Variants in CRACR2A observed in about 807,000 individuals in gnomAD.
The protein encoded by CRACR2A is calcium release activated channel regulator 2A.
A neutral mutation model predicts 90.5 loss-of-function variants in CRACR2A; 79 were observed. That is an observed-to-expected ratio of 0.87 (90% CI 0.73 to 1.05). The LOEUF (loss-of-function observed/expected upper bound fraction) is 1.05, where lower values mean the gene tolerates loss of function less well. Ranked by LOEUF, CRACR2A falls within the 50% of genes least tolerant of loss-of-function variation. The pLI, the probability that CRACR2A is intolerant of heterozygous loss-of-function variation, is 0.00. For synonymous variants in CRACR2A, 338 were observed against 356.7 expected, an observed-to-expected ratio of 0.95 and a Z score of 0.59; for missense variants, 823 against 897.2, an observed-to-expected ratio of 0.92 and a Z score of 1.06.
At chr12:3,634,844 A>G (rs945594863) in intron 14 of CRACR2A, among the ~76,000 whole-genome samples, 2 of 152,202 alleles carry the variant, frequency 1.3e-5, no homozygotes, top group Non-Finnish European at 1.5e-5. Context: ...ATCTACAAAA[A>G]TTTAAACTAA....
intron 10 of CRACR2A, 23 bp downstream of exon 10, chr12:3,654,189 G>T (rs752978732): frequency 1.2e-6 from 2 of 1,606,960 alleles, no homozygotes; most frequent in Admixed American, 3.4e-5. Context: ...GACAGCAGAG[G>T]AGTGGACAAA....
intron 1 of CRACR2A, among the ~76,000 whole-genome samples, chr12:3,750,013 T>C (rs888064154): frequency 3.9e-5 from 6 of 152,000 alleles, no homozygotes; most frequent in Admixed American, 1.3e-4. Flanking sequence ...CTCAGCTCAC[T>C]GCAAACACCG....
intron 17 of CRACR2A, among the ~76,000 whole-genome samples, chr12:3,622,521 A>G (rs769029792): frequency 1.3e-5 from 2 of 152,210 alleles, no homozygotes; most frequent in Admixed American, 6.5e-5. Context: ...AATTCAAAAG[A>G]TCACCCATCT....
intron 2 of CRACR2A, chr12:3,727,630 T>C (rs1348835356): frequency 6.6e-6 from 1 of 152,166 alleles, no homozygotes; most frequent in Non-Finnish European, 1.5e-5. Flanking sequence ...CTTTATTCCA[T>C]TTAGGCTTCT....
intron 7 of CRACR2A, among the ~76,000 whole-genome samples, chr12:3,668,424 A>C (rs1945184846): frequency 6.6e-6 from 1 of 152,116 alleles, no homozygotes; most frequent in Non-Finnish European, 1.5e-5. Flanking sequence ...TAGACTCCCT[A>C]GGGGAGGGGG....
intron 10 of CRACR2A, among the ~76,000 whole-genome samples, chr12:3,652,569 C>T (rs1473663440): frequency 6.6e-6 from 1 of 152,152 alleles, no homozygotes; most frequent in Non-Finnish European, 1.5e-5. Flanking sequence ...GGATTCCGCA[C>T]ATAAGTCAAA....
chr12:3,699,609 G>A (rs746794389), intron 3 of CRACR2A, among the ~76,000 whole-genome samples: 3 of 152,188 alleles, frequency 2.0e-5, no homozygotes, highest in Non-Finnish European at 4.4e-5. Flanking sequence ...CAGATCTGAT[G>A]TTTGCTGGCT....
chr12:3,709,771 C>T (rs1164840479), intron 3 of CRACR2A, among the ~76,000 whole-genome samples: 5 of 152,066 alleles, frequency 3.3e-5, no homozygotes, highest in African/African-American at 4.8e-5. Flanking sequence ...AGCGAGACTC[C>T]GTCTCAAGAA....
chr12:3,656,361 G>A lies in CRACR2A; in HGVS notation c.808C>T (p.Leu270=). The change falls in exon 9 of 20, where the codon CTG becomes TTG. Residue 270 remains leucine (L), a synonymous_variant. Coordinates refer to ENST00000440314, the MANE Select transcript of CRACR2A (RefSeq NM_001144958.2). The part of the protein sequence containing the change: ...QARSQELEQK[L]LCKEQELEQL... ...TCCAGCTCCTGCTCCTTACATAACA[G>A]TTTCTGCTCCAGCTCTTGACTGCGG... 1.2e-6 allele frequency: 2 copies of A among 1,614,090 alleles called. No individual in the cohort carries two copies. Among genetic ancestry groups the A allele is most frequent in the Non-Finnish European group, 1.7e-6 (2 of 1,180,030 alleles).
At chr12:3,621,252 C>G (rs1046914853) in intron 17 of CRACR2A, among the ~76,000 whole-genome samples, 2 of 152,108 alleles carry the variant, frequency 1.3e-5, no homozygotes, top group African/African-American at 4.8e-5. Flanking sequence ...CTTCTGTTTC[C>G]TCGCTTGCAG....
intron 15 of CRACR2A, among the ~76,000 whole-genome samples, chr12:3,631,030 C>T (rs186248285): frequency 6.6e-6 from 1 of 152,270 alleles, no homozygotes; most frequent in Admixed American, 6.5e-5. Context: ...TAGCTTTGGC[C>T]CGAGAGGCTG....
At chr12:3,674,060 A>G (rs1421313309) in intron 6 of CRACR2A, among the ~76,000 whole-genome samples, 1 of 152,220 alleles carries the variant, frequency 6.6e-6, no homozygotes, top group Admixed American at 6.5e-5. Flanking sequence ...GGAGGACAGG[A>G]GCCCAGTGCG....
chr12:3,727,844 C>A (rs147303016), intron 2 of CRACR2A: 13 of 152,114 alleles, frequency 8.5e-5, no homozygotes, highest in African/African-American at 3.1e-4. Context: ...GCAATATCTC[C>A]ATGTAACAGA....
At chr12:3,626,379 A>G (rs1944260556) in intron 17 of CRACR2A, among the ~76,000 whole-genome samples, 1 of 152,246 alleles carries the variant, frequency 6.6e-6, no homozygotes, top group South Asian at 2.1e-4. Context: ...AGGTTATAGC[A>G]ACGAAGATGC....
chr12:3,693,300 G>C (rs1945680869), intron 4 of CRACR2A, among the ~76,000 whole-genome samples: 1 of 152,192 alleles, frequency 6.6e-6, no homozygotes, highest in East Asian at 1.9e-4. Context: ...GGGCCCCCAG[G>C]ACACCTGCGG....
intron 7 of CRACR2A, among the ~76,000 whole-genome samples, chr12:3,669,170 GC>G (rs999183824): frequency 1.3e-5 from 2 of 152,146 alleles, no homozygotes; most frequent in African/African-American, 4.8e-5. Context: ...CAGACGTTAA[GC>G]CCCCACCTCA....
rs748957811 is a variant in CRACR2A at position 3,638,197 on chromosome 12, G to A, written c.1529C>T (p.Pro510Leu). 1.2e-5 allele frequency: 19 copies of A among 1,551,284 alleles called. No individual in the cohort carries two copies. Among genetic ancestry groups the A allele is most frequent in the Non-Finnish European group, 1.4e-5 (16 of 1,146,762 alleles). The change falls in exon 14 of 20, where the codon CCG becomes CTG. Residue 510 changes from proline to leucine, a missense_variant. By Grantham distance (98) the Pro-to-Leu change is moderately conservative (BLOSUM62 -3). Transcript: ENST00000440314. ...VSDQGVQGQI[P>L]EAPPLKLTPT... ...GGTGAGTTTCAAGGGTGGGGCCTCC[G>A]GGATTTGTCCCTGTACCCCCTGGTC...
Position 3,633,554 on chromosome 12 carries a change from C to T in CRACR2A, c.1735+50G>A, listed in dbSNP as rs1944410516. 1.9e-6 allele frequency: 3 copies of T among 1,549,540 alleles called. No individual in the cohort carries two copies. In the African/African-American group the frequency reaches 4.1e-5, roughly 21 times the overall value. On this transcript the variant is annotated intron_variant, in intron 15 of 19. Coordinates refer to ENST00000440314, the MANE Select transcript of CRACR2A (RefSeq NM_001144958.2). This position sits in a 1 kb window ranked among gnomAD's most constrained non-coding sequence, Gnocchi z 4.5. ...CTGCCCCGGGCCCCCTTCTCACAAACTCCCTTCCCAAAGATGGGCCTAGGA... is the reference window on the plus strand; with the variant it reads ...CTGCCCCGGGCCCCCTTCTCACAAATTCCCTTCCCAAAGATGGGCCTAGGA...
chr12:3,708,481 G>A lies in CRACR2A; in HGVS notation c.-37+4756C>T, dbSNP rs528881146. On this transcript the variant is annotated intron_variant, in intron 3 of 19. Transcript: ENST00000440314. ...ACTCAGTCGCCCAGGCTGGAGTGCA[G>A]TGGCGCCATCTCGGCTCACTACAAG... Among the ~76,000 whole-genome samples, 5 of 152,128 alleles carry A rather than the reference G, an allele frequency of 3.3e-5. No homozygotes were observed. The East Asian group carries it at 9.6e-4, about 29-fold the overall frequency.
Sources: gnomAD v4.1 joint callset for allele counts (sites outside exome capture counted in the v4.1 genomes callset) on GRCh38, gnomAD v4.1.1 for gene constraint, Gnocchi (gnomAD v3.1) non-coding constraint, MANE v1.5 for transcripts, NCBI Gene and HGNC (gene_info 2026-07-23, HGNC 2026-07-21) for gene names.